KCNQ3: variants seen among roughly 807,000 people sequenced by gnomAD.
KCNQ3 encodes the protein potassium voltage-gated channel subfamily Q member 3, also known as potassium voltage-gated channel subfamily KQT member 3.
KCNQ3 carries 30 observed loss-of-function variants against 92.5 expected under a neutral mutation model. The ratio of observed to expected loss-of-function variants is 0.32; its 90% CI spans 0.24 to 0.44. The LOEUF (loss-of-function observed/expected upper bound fraction) is 0.44, where lower values mean the gene tolerates loss of function less well. Ranked by LOEUF, KCNQ3 falls within the 20% of genes least tolerant of loss-of-function variation. The pLI, the probability that KCNQ3 is intolerant of heterozygous loss-of-function variation, is 1.00. For synonymous variants in KCNQ3, 450 were observed against 468.8 expected, an observed-to-expected ratio of 0.96 and a Z score of 0.52; for missense variants, 913 against 1,140.3, an observed-to-expected ratio of 0.80 and a Z score of 2.87.
intron 1 of KCNQ3, among the ~76,000 whole-genome samples, chr8:132,407,068 C>G (rs192024349): frequency 6.6e-6 from 1 of 152,202 alleles, no homozygotes; most frequent in Non-Finnish European, 1.5e-5. Flanking sequence ...AATGCCTCTG[C>G]GCCCATGCCT....
chr8:132,376,006 G>A (rs1176752814), intron 1 of KCNQ3, among the ~76,000 whole-genome samples: 2 of 152,150 alleles, frequency 1.3e-5, no homozygotes, highest in African/African-American at 4.8e-5. Flanking sequence ...TATTCACTAT[G>A]ATGAGTTAGC....
Position 132,124,952 on chromosome 8 carries a change from G to A in KCNQ3, c.*4310C>T, listed in dbSNP as rs1380123121. 6.6e-6 allele frequency: 1 copy of A among 152,196 alleles called. No individual in the cohort carries two copies. The highest frequency in any genetic ancestry group is 1.9e-4 in the East Asian group (1 of 5,196). The allele number at this position is 152,196 out of a possible 1,614,324, so 9.4% of individuals were successfully genotyped here. The stretch of plus-strand genomic sequence containing the variant: ...TGAACAAATTTCTTCTCTTGCCCCA[G>A]GAGAATTTGATCTGCAGGTTCCCAT... On this transcript the variant is annotated 3_prime_UTR_variant, in exon 15 of 15. Coordinates refer to ENST00000388996, the MANE Select transcript of KCNQ3 (RefSeq NM_004519.4).
chr8:132,298,864 CA>C (rs1817129288), intron 1 of KCNQ3, among the ~76,000 whole-genome samples: 1 of 152,076 alleles, frequency 6.6e-6, no homozygotes, highest in African/African-American at 2.4e-5. Flanking sequence ...GCCGAGATGG[CA>C]CCATTGCACT....
At chr8:132,379,990 T>G (rs1486805328) in intron 1 of KCNQ3, among the ~76,000 whole-genome samples, 2 of 151,976 alleles carry the variant, frequency 1.3e-5, no homozygotes, top group Non-Finnish European at 1.5e-5. Context: ...ATGATAATAG[T>G]AATTACCACA....
At chr8:132,335,311 T>A (rs1172802098) in intron 1 of KCNQ3, among the ~76,000 whole-genome samples, 1 of 152,184 alleles carries the variant, frequency 6.6e-6, no homozygotes, top group Non-Finnish European at 1.5e-5. Context: ...AGTGCTGGGA[T>A]TACAGGTGTG....
chr8:132,175,606 T>C lies in KCNQ3; in HGVS notation c.780A>G (p.Glu260=). 1 of 1,613,888 alleles carries C rather than the reference T, an allele frequency of 6.2e-7. No individual in the cohort carries two copies. Among genetic ancestry groups the C allele is most frequent in the African/African-American group, 1.3e-5 (1 of 75,004 alleles). The change falls in exon 5 of 15, where the codon GAA becomes GAG. Residue 260 remains glutamate (E), a splice_region_variant and synonymous_variant. Coordinates refer to ENST00000388996, the MANE Select transcript of KCNQ3 (RefSeq NM_004519.4). ...LGSAICAHSK[E]LITAWYIGFL... Reference sequence around the variant, plus strand: ...AACCGATGTACCAGGCCGTGATGAGTTCCTGAAAGAATGAACAGTGGACAT... The same window carrying C: ...AACCGATGTACCAGGCCGTGATGAGCTCCTGAAAGAATGAACAGTGGACAT...
intron 1 of KCNQ3, among the ~76,000 whole-genome samples, chr8:132,253,424 T>C (rs1181870092): frequency 6.6e-6 from 1 of 152,192 alleles, no homozygotes; most frequent in Non-Finnish European, 1.5e-5. Flanking sequence ...AGTACTGGTA[T>C]GTAGGTACTG....
chr8:132,188,288 T>C (rs1173109556), intron 1 of KCNQ3, among the ~76,000 whole-genome samples: 2 of 152,210 alleles, frequency 1.3e-5, no homozygotes, highest in Admixed American at 1.3e-4. Flanking sequence ...AGGATCATGG[T>C]GCTCTCATAC....
intron 1 of KCNQ3, among the ~76,000 whole-genome samples, chr8:132,232,649 C>G (rs1016506761): frequency 6.6e-6 from 1 of 152,166 alleles, no homozygotes; most frequent in African/African-American, 2.4e-5. Context: ...ACAGAGCATT[C>G]AAATAACAAA....
At chr8:132,447,379 T>C (rs919498707) in intron 1 of KCNQ3, 40 of 776,128 alleles carry the variant, frequency 5.2e-5, no homozygotes, top group Middle Eastern at 4.6e-4. Flanking sequence ...GACACAGATG[T>C]GGAGAAGACA....
rs150251229 is a variant in KCNQ3 at position 132,138,854 on chromosome 8, T to C, written c.1569-838A>G. On this transcript the variant is annotated intron_variant, in intron 11 of 14. Transcript: ENST00000388996. ...GCCTCTAAACATTATTTTTGGTATA[T>C]TGATTATGGTACTATCTAATTTGCT... Among the ~76,000 whole-genome samples the C allele has an allele frequency of 1.3e-3, 194 of 152,332 alleles. 1 individual carries two copies. The highest frequency in any genetic ancestry group is 4.5e-3 in the African/African-American group (187 of 41,574).
intron 1 of KCNQ3, among the ~76,000 whole-genome samples, chr8:132,476,045 G>A (rs1822403338): frequency 6.6e-6 from 1 of 152,236 alleles, no homozygotes; most frequent in Admixed American, 6.5e-5. Context: ...GTACAGCTCA[G>A]CCCATTGCTT....
intron 1 of KCNQ3, among the ~76,000 whole-genome samples, chr8:132,344,822 C>T (rs1168258094): frequency 6.6e-6 from 1 of 152,132 alleles, no homozygotes; most frequent in East Asian, 1.9e-4. Flanking sequence ...GTGGAGTTAC[C>T]TAGAGAGGAG....
At chr8:132,420,172 T>C (rs1587003525) in intron 1 of KCNQ3, among the ~76,000 whole-genome samples, 1 of 152,070 alleles carries the variant, frequency 6.6e-6, no homozygotes, top group South Asian at 2.1e-4. Context: ...GGGTCTCTTG[T>C]ACAAGAGAGC....
intron 1 of KCNQ3, among the ~76,000 whole-genome samples, chr8:132,196,281 G>T (rs933485967): frequency 1.3e-5 from 2 of 152,146 alleles, no homozygotes; most frequent in Non-Finnish European, 2.9e-5. Flanking sequence ...TATGCCAAGA[G>T]TTAGGAACAG....
chr8:132,328,725 T>G (rs2130655016), intron 1 of KCNQ3, among the ~76,000 whole-genome samples: 1 of 152,306 alleles, frequency 6.6e-6, no homozygotes, highest in South Asian at 2.1e-4. Context: ...ATCTCTTCTC[T>G]TCCCCTCAAC....
intron 1 of KCNQ3, among the ~76,000 whole-genome samples, chr8:132,440,624 G>T (rs1374682168): frequency 6.6e-6 from 1 of 152,252 alleles, no homozygotes; most frequent in East Asian, 1.9e-4. Context: ...CCCACGCCAC[G>T]AAGACAAGGA....
intron 1 of KCNQ3, among the ~76,000 whole-genome samples, chr8:132,417,976 A>G (rs1482266393): frequency 6.6e-6 from 1 of 152,002 alleles, no homozygotes; most frequent in Non-Finnish European, 1.5e-5. Flanking sequence ...CGTGGTGCAA[A>G]AGCACTCCTG....
chr8:132,443,602 C>T (rs1169001784), intron 1 of KCNQ3, among the ~76,000 whole-genome samples: 2 of 152,182 alleles, frequency 1.3e-5, no homozygotes, highest in African/African-American at 4.8e-5. Context: ...CACCCCTCCC[C>T]AGCACAGATA....
Sources: allele counts gnomAD v4.1 joint callset (sites outside exome capture counted in the v4.1 genomes callset), GRCh38; gene constraint gnomAD v4.1.1; transcripts MANE v1.5; gene names NCBI Gene and HGNC (gene_info 2026-07-23, HGNC 2026-07-21).